Variants in SLC25A21 observed in about 807,000 individuals in gnomAD.
SLC25A21 encodes the protein solute carrier family 25 member 21, also known as mitochondrial 2-oxodicarboxylate carrier.
Under a neutral mutation model 43.8 loss-of-function variants are expected in SLC25A21, and 47 were observed. The observed-to-expected ratio is 1.07, with a 90% CI of 0.85 to 1.37. The LOEUF is 1.37. SLC25A21 is among the 40% of genes most tolerant of loss of function. SLC25A21 has a pLI of 0.00. For synonymous variants in SLC25A21, 131 were observed against 121.3 expected (o/e 1.08, Z -0.52); for missense variants, 352 against 350.2 (o/e 1.00, Z -0.04).
intron 1 of SLC25A21, among the ~76,000 whole-genome samples, chr14:37,031,319 T>C (rs1236401767): frequency 6.6e-6 from 1 of 152,194 alleles, no homozygotes; most frequent in Non-Finnish European, 1.5e-5. Context: ...TCTTAAAGCC[T>C]TTCATGAAAA....
chr14:36,727,301 C>T (rs1316849742), intron 5 of SLC25A21, among the ~76,000 whole-genome samples: 3 of 152,172 alleles, frequency 2.0e-5, no homozygotes, highest in African/African-American at 7.2e-5. Context: ...TATCTAATTT[C>T]CCTGCTTATA....
At chr14:36,969,479 C>T (rs925679934) in intron 1 of SLC25A21, among the ~76,000 whole-genome samples, 2 of 152,040 alleles carry the variant, frequency 1.3e-5, no homozygotes, top group South Asian at 2.1e-4. Flanking sequence ...CCTAGAAACT[C>T]GGTTTTCAAA....
At chr14:36,856,080 C>T (rs568179900) in intron 2 of SLC25A21, among the ~76,000 whole-genome samples, 58 of 152,160 alleles carry the variant, frequency 3.8e-4, no homozygotes, top group African/African-American at 1.3e-3. Context: ...GTTAACCTTA[C>T]CAAGAAAGAG....
intron 1 of SLC25A21, among the ~76,000 whole-genome samples, chr14:37,166,102 G>C (rs1594828841): frequency 1.3e-5 from 2 of 152,158 alleles, no homozygotes. Flanking sequence ...CTTCCCCCAA[G>C]TGAACACGTC....
At chr14:37,099,936 A>G (rs991793754) in intron 1 of SLC25A21, among the ~76,000 whole-genome samples, 1 of 152,178 alleles carries the variant, frequency 6.6e-6, no homozygotes, top group African/African-American at 2.4e-5. Context: ...ATGGTACTCC[A>G]ACTTCCACAG....
At position 36,766,080 on chromosome 14, in the gene SLC25A21, T is replaced by C. The variant is rs551290389; in HGVS notation, c.204-31507A>G. 2.3e-3 allele frequency among the ~76,000 whole-genome samples: 349 copies of C among 152,138 alleles called. 2 individuals are homozygous for C. The highest frequency in any genetic ancestry group is 4.1e-3 in the Non-Finnish European group (280 of 67,992). ...TTTTTACACACCCCTCCCGTTTCTC[T>C]AGTTCTTGCCTAGACTCCTGCAATA... On this transcript the variant is annotated intron_variant, in intron 3 of 9. Transcript: ENST00000331299.
chr14:36,792,748 C>T (rs959596330), intron 3 of SLC25A21, among the ~76,000 whole-genome samples: 2 of 152,146 alleles, frequency 1.3e-5, no homozygotes, highest in Non-Finnish European at 2.9e-5. Flanking sequence ...AAAACCTTTA[C>T]TACTTCCATT....
intron 1 of SLC25A21, among the ~76,000 whole-genome samples, chr14:37,133,878 A>T (rs1225048860): frequency 6.6e-6 from 1 of 152,168 alleles, no homozygotes. Flanking sequence ...TTCCTCAGTA[A>T]AATCATTCCT....
intron 1 of SLC25A21, among the ~76,000 whole-genome samples, chr14:36,959,467 A>G (rs1263201551): frequency 1.3e-5 from 2 of 152,104 alleles, no homozygotes; most frequent in African/African-American, 4.8e-5. Flanking sequence ...GAGAAATAAA[A>G]TCCGCAAACC....
chr14:37,149,538 T>C lies in SLC25A21; in HGVS notation c.70+22743A>G, dbSNP rs144259413. On this transcript the variant is annotated intron_variant, in intron 1 of 9. Transcript: ENST00000331299. ...GCTGAAACCCCATCTCTACTAAAAA[T>C]ACAAAAATTAGCTGGGCATGGTGGT... Among the ~76,000 whole-genome samples the C allele has an allele frequency of 6.3e-3, 955 of 151,920 alleles. 9 individuals are homozygous for C. Among genetic ancestry groups the C allele is most frequent in the African/African-American group, 0.02 (823 of 41,468 alleles).
intron 1 of SLC25A21, among the ~76,000 whole-genome samples, chr14:37,002,485 T>C (rs1445834389): frequency 6.6e-6 from 1 of 152,208 alleles, no homozygotes; most frequent in African/African-American, 2.4e-5. Context: ...AAAGCTCTTA[T>C]ATGACTTATA....
intron 1 of SLC25A21, among the ~76,000 whole-genome samples, chr14:36,900,675 T>A (rs560876240): frequency 3.9e-5 from 6 of 152,300 alleles, no homozygotes; most frequent in African/African-American, 1.4e-4. Flanking sequence ...ATGGCTTGAG[T>A]TTTAAATACA....
Position 36,933,387 on chromosome 14 carries a change from AC to A in SLC25A21, c.71-58384del, listed in dbSNP as rs1384953882. Among the ~76,000 whole-genome samples, 14 of 152,250 alleles carry A rather than the reference AC, an allele frequency of 9.2e-5. 1 individual carries two copies. Among genetic ancestry groups the A allele is most frequent in the African/African-American group, 3.4e-4 (14 of 41,570 alleles). ...AAGGCTATGCTACCAGGTCTCCAGT[AC>A]CAGACAGAGACATTTCCACCACCGG... On this transcript the variant is annotated intron_variant, in intron 1 of 9. Coordinates refer to ENST00000331299, the MANE Select transcript of SLC25A21 (RefSeq NM_030631.4).
chr14:36,902,573 T>A, intron 1 of SLC25A21, among the ~76,000 whole-genome samples: 1 of 152,222 alleles, frequency 6.6e-6, no homozygotes. Flanking sequence ...GTTCATAAAC[T>A]ACTAGAAATT....
At chr14:36,984,308 CATG>C (rs1294833859) in intron 1 of SLC25A21, among the ~76,000 whole-genome samples, 1 of 152,012 alleles carries the variant, frequency 6.6e-6, no homozygotes, top group African/African-American at 2.4e-5. Flanking sequence ...TGAAGCTGCT[CATG>C]ATATTGTTTG....
intron 1 of SLC25A21, among the ~76,000 whole-genome samples, chr14:37,163,330 C>A (rs1039425042): frequency 3.1e-4 from 46 of 149,178 alleles, no homozygotes; most frequent in Non-Finnish European, 3.0e-5. Context: ...AAAGAAATTT[C>A]TGTTGTTTAT....
intron 1 of SLC25A21, among the ~76,000 whole-genome samples, chr14:37,143,457 A>T (rs1328972395): frequency 6.6e-6 from 1 of 152,208 alleles, no homozygotes; most frequent in African/African-American, 2.4e-5. Flanking sequence ...GACATTGGAG[A>T]TAACTAACTT....
At chr14:37,141,091 G>A (rs1330181089) in intron 1 of SLC25A21, among the ~76,000 whole-genome samples, 3 of 152,090 alleles carry the variant, frequency 2.0e-5, no homozygotes, top group Non-Finnish European at 4.4e-5. Flanking sequence ...GTTGCAGTGA[G>A]CTAAGATCAC....
chr14:37,084,150 A>G (rs925137815), intron 1 of SLC25A21, among the ~76,000 whole-genome samples: 6 of 152,170 alleles, frequency 3.9e-5, no homozygotes, highest in Non-Finnish European at 8.8e-5. Context: ...AGGCACTATT[A>G]TAAGGGCAGT....
Sources: gnomAD v4.1 joint callset for allele counts (sites outside exome capture counted in the v4.1 genomes callset) on GRCh38, gnomAD v4.1.1 for gene constraint, MANE v1.5 for transcripts, NCBI Gene and HGNC (gene_info 2026-07-23, HGNC 2026-07-21) for gene names.